KCTD8: variants seen among roughly 807,000 people sequenced by gnomAD.
KCTD8 encodes the protein potassium channel tetramerization domain containing 8.
A neutral mutation model predicts 31.5 loss-of-function variants in KCTD8; 27 were observed. The observed-to-expected ratio is 0.86, with a 90% CI of 0.63 to 1.18. The LOEUF is 1.18. Ranked by LOEUF, KCTD8 falls within the 50% of genes most tolerant of loss-of-function variation. The probability of loss-of-function intolerance (pLI) is 0.00; values close to 1 mark genes in which losing one functional copy is unlikely to be tolerated. For missense variants in KCTD8, 658 were observed against 647.7 expected (o/e 1.02, Z -0.17); for synonymous variants, 290 against 280.0 (o/e 1.04, Z -0.36).
chr4:44,408,661 C>G (rs1720871612), intron 1 of KCTD8, among the ~76,000 whole-genome samples: 1 of 152,086 alleles, frequency 6.6e-6, no homozygotes, highest in Non-Finnish European at 1.5e-5. Context: ...GCGCTGTTGC[C>G]AGCCTGGAGT....
intron 1 of KCTD8, among the ~76,000 whole-genome samples, chr4:44,338,376 G>A (rs752120717): frequency 3.9e-5 from 6 of 152,066 alleles, no homozygotes; most frequent in Non-Finnish European, 7.4e-5. Flanking sequence ...TAAGAGAAAG[G>A]TAAGTGAAGG....
chr4:44,379,872 C>T (rs1347865735), intron 1 of KCTD8, among the ~76,000 whole-genome samples: 1 of 152,052 alleles, frequency 6.6e-6, no homozygotes, highest in Admixed American at 6.6e-5. Context: ...TTTAAAATCA[C>T]ACTCAAAGCC....
At chr4:44,426,955 T>A (rs959226561) in intron 1 of KCTD8, among the ~76,000 whole-genome samples, 1 of 151,742 alleles carries the variant, frequency 6.6e-6, no homozygotes, top group Admixed American at 6.6e-5. Context: ...TATTAAAATA[T>A]GATAAAGTAA....
At chr4:44,212,285 T>C (rs543581915) in intron 1 of KCTD8, among the ~76,000 whole-genome samples, 37 of 152,338 alleles carry the variant, frequency 2.4e-4, no homozygotes, top group African/African-American at 8.9e-4. Context: ...CTACTCTAAT[T>C]ATTCAAGACT....
At chr4:44,434,504 C>T (rs1560454004) in intron 1 of KCTD8, among the ~76,000 whole-genome samples, 1 of 151,874 alleles carries the variant, frequency 6.6e-6, no homozygotes, top group Non-Finnish European at 1.5e-5. Flanking sequence ...CCCTGGTTTA[C>T]TCGAGAACAC....
intron 1 of KCTD8, among the ~76,000 whole-genome samples, chr4:44,271,724 A>C (rs1364592632): frequency 1.3e-5 from 2 of 152,180 alleles, no homozygotes; most frequent in African/African-American, 4.8e-5. Context: ...AACTAGCCAG[A>C]GCCCATCCCT....
At chr4:44,254,345 G>GT (rs976652560) in intron 1 of KCTD8, among the ~76,000 whole-genome samples, 1 of 151,894 alleles carries the variant, frequency 6.6e-6, no homozygotes, top group Non-Finnish European at 1.5e-5. Flanking sequence ...ATCAAATATA[G>GT]TTTTTTACAG....
chr4:44,314,939 A>G (rs910151077), intron 1 of KCTD8, among the ~76,000 whole-genome samples: 1 of 151,108 alleles, frequency 6.6e-6, no homozygotes, highest in Non-Finnish European at 1.5e-5. Context: ...AGAGTCAACC[A>G]GTGTTAATCT....
intron 1 of KCTD8, among the ~76,000 whole-genome samples, chr4:44,347,464 G>A (rs965207617): frequency 5.3e-5 from 8 of 152,184 alleles, no homozygotes; most frequent in Middle Eastern, 3.2e-3. Context: ...GGTCAGTGGG[G>A]ACTTTCCAAC....
chr4:44,297,737 G>A lies in KCTD8; in HGVS notation c.962-122487C>T, dbSNP rs1717478880. 2.0e-5 allele frequency among the ~76,000 whole-genome samples: 3 copies of A among 152,082 alleles called. No homozygotes were observed. In the South Asian group the frequency reaches 6.2e-4, roughly 31 times the overall value. ...TAGATTCTTTATGTCCAAGGGAATAGGTTTATCTTACATATGTAAAACATT... is the reference window on the plus strand; with the variant it reads ...TAGATTCTTTATGTCCAAGGGAATAAGTTTATCTTACATATGTAAAACATT... On this transcript the variant is annotated intron_variant, in intron 1 of 1. Coordinates refer to ENST00000360029, the MANE Select transcript of KCTD8 (RefSeq NM_198353.3).
chr4:44,375,208 C>T (rs778263545), intron 1 of KCTD8, among the ~76,000 whole-genome samples: 5 of 151,938 alleles, frequency 3.3e-5, no homozygotes, highest in Non-Finnish European at 5.9e-5. Context: ...GCAGGGGCGG[C>T]CTGCTGAGGA....
chr4:44,356,736 T>C (rs1404901481), intron 1 of KCTD8, among the ~76,000 whole-genome samples: 2 of 152,144 alleles, frequency 1.3e-5, no homozygotes, highest in Non-Finnish European at 1.5e-5. Flanking sequence ...CCTCCCAAAG[T>C]GCTGGGATTA....
chr4:44,447,572 T>G lies in KCTD8; in HGVS notation c.952A>C (p.Ile318Leu). ...DKIWSSYTEY[I>L]FFRPPQKIVS... is the part of the protein sequence containing the mutation. The stretch of plus-strand genomic sequence containing the variant: ...GGGGCTGCGAACTTACGGAAGAAAA[T>G]GTACTCGGTGTAGCTGCTCCAGATC... Residue 318 changes from isoleucine (I) to leucine (L), a missense_variant, in exon 1 of 2, where the codon ATT becomes CTT. By Grantham distance (5) the Ile-to-Leu change is conservative. Coordinates refer to ENST00000360029, the MANE Select transcript of KCTD8 (RefSeq NM_198353.3). 6.4e-7 allele frequency: 1 copy of G among 1,562,198 alleles called. No individual in the cohort carries two copies. Among genetic ancestry groups the G allele is most frequent in the Non-Finnish European group, 8.7e-7 (1 of 1,149,636 alleles).
rs114934886 is a variant in KCTD8 at position 44,371,542 on chromosome 4, G to T, written c.961+76021C>A. On this transcript the variant is annotated intron_variant, in intron 1 of 1. Coordinates refer to ENST00000360029, the MANE Select transcript of KCTD8 (RefSeq NM_198353.3). ...AATGGAATATAGGTAGTCGTTAAAA[G>T]TATATTATCAAAGGATATTGAAAGC... 5.1e-3 allele frequency among the ~76,000 whole-genome samples: 782 copies of T among 152,270 alleles called. 9 individuals are homozygous for T. Among genetic ancestry groups the T allele is most frequent in the African/African-American group, 0.017 (723 of 41,560 alleles).
At chr4:44,298,075 G>C (rs1717490197) in intron 1 of KCTD8, among the ~76,000 whole-genome samples, 1 of 152,224 alleles carries the variant, frequency 6.6e-6, no homozygotes, top group East Asian at 1.9e-4. Context: ...CTGATGCAGA[G>C]TTTGTCAGTA....
chr4:44,199,178 T>A (rs1028871436), intron 1 of KCTD8, among the ~76,000 whole-genome samples: 1 of 152,132 alleles, frequency 6.6e-6, no homozygotes, highest in Non-Finnish European at 1.5e-5. Flanking sequence ...CAAAAAGACA[T>A]GGACAACCAC....
intron 1 of KCTD8, among the ~76,000 whole-genome samples, chr4:44,214,862 G>A (rs1240168604): frequency 1.3e-5 from 2 of 152,164 alleles, no homozygotes; most frequent in Non-Finnish European, 2.9e-5. Flanking sequence ...TCATGCATCT[G>A]GAGGCTGCAA....
Position 44,404,143 on chromosome 4 carries a change from C to T in KCTD8, c.961+43420G>A, listed in dbSNP as rs565945292. 7.7e-4 allele frequency among the ~76,000 whole-genome samples: 117 copies of T among 152,182 alleles called. 1 individual carries two copies. The highest frequency in any genetic ancestry group is 2.7e-3 in the African/African-American group (114 of 41,532). On this transcript the variant is annotated intron_variant, in intron 1 of 1. Coordinates refer to ENST00000360029, the MANE Select transcript of KCTD8 (RefSeq NM_198353.3). ...CCTAAAACCAAAATCATTTTACTGA[C>T]ATCGAAAAACATGTAGACTCCATTT... is the stretch of plus-strand genomic sequence containing the variant.
At chr4:44,180,591 A>G (rs935557361) in intron 1 of KCTD8, among the ~76,000 whole-genome samples, 2 of 147,756 alleles carry the variant, frequency 1.4e-5, no homozygotes, top group African/African-American at 5.1e-5. Flanking sequence ...ATACATGCAC[A>G]CACACACACA....
Sources: gnomAD v4.1 joint callset for allele counts (sites outside exome capture counted in the v4.1 genomes callset) on GRCh38, gnomAD v4.1.1 for gene constraint, MANE v1.5 for transcripts, NCBI Gene and HGNC (gene_info 2026-07-23, HGNC 2026-07-21) for gene names.